Variants in INSR observed in about 807,000 individuals in gnomAD.
INSR encodes the protein IR.
A neutral mutation model predicts 142.6 loss-of-function variants in INSR; 67 were observed. The observed-to-expected ratio is 0.47, with a 90% CI of 0.39 to 0.58. The LOEUF (loss-of-function observed/expected upper bound fraction) is 0.58. Among genes scored for constraint, INSR ranks in the 20% least tolerant of loss-of-function variants. INSR has a pLI of 0.00. For missense variants in INSR, 1,248 were observed against 1,833.2 expected (o/e 0.68, Z 5.83); for synonymous variants, 756 against 743.1 (o/e 1.02, Z -0.28).
At chr19:7,191,710 T>C (rs191556344) in intron 2 of INSR, among the ~76,000 whole-genome samples, 1 of 151,886 alleles carries the variant, frequency 6.6e-6, no homozygotes, top group East Asian at 1.9e-4. Context: ...AAACCAATAG[T>C]CCCAGCTACT....
chr19:7,166,423 A>C lies in INSR; in HGVS notation c.1611-19T>G. 1 of 1,613,106 alleles carries C rather than the reference A, an allele frequency of 6.2e-7. No individual in the cohort carries two copies. Among genetic ancestry groups the C allele is most frequent in the Non-Finnish European group, 8.5e-7 (1 of 1,179,790 alleles). ...ATAAGGGCTTTCAAGACAAAACAGC[A>C]GAAGGCAGTTACCCTTACAAGACCG... On this transcript the variant is annotated intron_variant, in intron 7 of 21. Transcript: ENST00000302850. The surrounding 1 kb of genome is among the most constrained non-coding windows in gnomAD (Gnocchi z 4.1).
chr19:7,237,227 C>CA (rs1976186368), intron 2 of INSR, among the ~76,000 whole-genome samples: 2 of 151,496 alleles, frequency 1.3e-5, no homozygotes, highest in Middle Eastern at 3.4e-3. Flanking sequence ...TGGAAATAAA[C>CA]AAAAAAACAG....
chr19:7,136,836 T>G, intron 13 of INSR, among the ~76,000 whole-genome samples: 1 of 149,424 alleles, frequency 6.7e-6, no homozygotes, highest in South Asian at 2.1e-4. Flanking sequence ...TACATATATA[T>G]ATATATATAT....
intron 3 of INSR, among the ~76,000 whole-genome samples, chr19:7,177,982 C>G (rs1016518825): frequency 8.6e-5 from 13 of 152,030 alleles, no homozygotes; most frequent in Admixed American, 2.6e-4. Flanking sequence ...AAGCATACCA[C>G]AAAAGCACTT....
In INSR at chr19:7,136,145, C is replaced by T. The variant is rs536698492; in HGVS notation, c.2683-3828G>A. On this transcript the variant is annotated intron_variant, in intron 13 of 21. Coordinates refer to ENST00000302850, the MANE Select transcript of INSR (RefSeq NM_000208.4). Reference sequence around the variant, plus strand: ...TCGTGGGCATGAAGTGGTATTGCATCGTGGTCTTGATTTGCATTTTTGTCA... The same window carrying T: ...TCGTGGGCATGAAGTGGTATTGCATTGTGGTCTTGATTTGCATTTTTGTCA... 5.3e-5 allele frequency among the ~76,000 whole-genome samples: 8 copies of T among 152,090 alleles called. No individual in the cohort carries two copies. The South Asian group carries it at 6.2e-4, about 12-fold the overall frequency.
chr19:7,258,495 G>A (rs1000838971), intron 2 of INSR, among the ~76,000 whole-genome samples: 2 of 149,534 alleles, frequency 1.3e-5, no homozygotes, highest in Admixed American at 6.7e-5. Context: ...CCCACAGGTC[G>A]TAGTTTGCTG....
intron 11 of INSR, 113 bp from the exon 12 acceptor site, chr19:7,143,203 T>C: frequency 8.5e-7 from 1 of 1,181,224 alleles, no homozygotes; most frequent in Non-Finnish European, 1.2e-6. Context: ...CGCAGGAGGG[T>C]GCAGCAATGG....
intron 2 of INSR, among the ~76,000 whole-genome samples, chr19:7,257,051 T>C (rs1365523527): frequency 6.7e-6 from 1 of 150,126 alleles, no homozygotes; most frequent in East Asian, 2.0e-4. Context: ...CAAGCGATTC[T>C]CCTGTCTCAG....
intron 9 of INSR, among the ~76,000 whole-genome samples, chr19:7,157,470 C>A (rs1030400507): frequency 1.5e-5 from 2 of 131,144 alleles, no homozygotes; most frequent in Admixed American, 8.9e-5. Context: ...GCTGTGTTGG[C>A]CAGGCTGATC....
intron 10 of INSR, among the ~76,000 whole-genome samples, chr19:7,151,216 TTC>T (rs1241171903): frequency 7.4e-6 from 1 of 135,682 alleles, no homozygotes; most frequent in African/African-American, 2.9e-5. Flanking sequence ...TTCTTTTTCT[TTC>T]TCTCTTCCTT....
intron 11 of INSR, among the ~76,000 whole-genome samples, chr19:7,148,152 G>C (rs1009450742): frequency 1.3e-5 from 2 of 152,084 alleles, no homozygotes; most frequent in African/African-American, 2.4e-5. Context: ...GACCTCAGGT[G>C]ATCTGCCTGC....
chr19:7,211,138 C>T (rs1053965575), intron 2 of INSR, among the ~76,000 whole-genome samples: 2 of 152,286 alleles, frequency 1.3e-5, no homozygotes, highest in Middle Eastern at 3.4e-3. Flanking sequence ...CAAGTCACAG[C>T]TCACTGCAGC....
At chr19:7,156,571 G>A (rs553611217) in intron 9 of INSR, among the ~76,000 whole-genome samples, 21 of 152,138 alleles carry the variant, frequency 1.4e-4, no homozygotes, top group Non-Finnish European at 3.1e-4. Context: ...TGAAGTGCTC[G>A]GGACAGTCCC....
chr19:7,243,525 C>T (rs551197165), intron 2 of INSR, among the ~76,000 whole-genome samples: 2 of 152,206 alleles, frequency 1.3e-5, no homozygotes, highest in Admixed American at 6.6e-5. Context: ...GGATTACAGG[C>T]ATGAGCCACC....
chr19:7,165,956 G>A (rs1973878654), intron 8 of INSR, among the ~76,000 whole-genome samples, 198 bp downstream of exon 8: 1 of 150,850 alleles, frequency 6.6e-6, no homozygotes, highest in Non-Finnish European at 1.5e-5. Flanking sequence ...TTGAGCCCAG[G>A]AGTTTGAGGC....
chr19:7,210,531 T>C (rs1975244910), intron 2 of INSR, among the ~76,000 whole-genome samples: 1 of 152,040 alleles, frequency 6.6e-6, no homozygotes, highest in Non-Finnish European at 1.5e-5. Context: ...GCTGTGCGAC[T>C]CCTGGAGGGG....
At chr19:7,293,749 C>A in intron 1 of INSR, 43 bp downstream of exon 1, 5 of 1,306,672 alleles carry the variant, frequency 3.8e-6, no homozygotes, top group Non-Finnish European at 4.9e-6. Context: ...GGTCCTCTCC[C>A]CATCGCGGCG....
At chr19:7,141,589 A>G in intron 13 of INSR, 88 bp downstream of exon 13, 1 of 1,576,886 alleles carries the variant, frequency 6.3e-7, no homozygotes. Context: ...TGGAATCAAA[A>G]TTTCAGCAGA....
Position 7,294,377 on chromosome 19 carries a change from G to A in INSR, c.-486C>T, listed in dbSNP as rs1215961553. Among the ~76,000 whole-genome samples, 1 of 151,670 alleles carries A rather than the reference G, an allele frequency of 6.6e-6. No homozygotes were observed. Among genetic ancestry groups the A allele is most frequent in the African/African-American group, 2.4e-5 (1 of 41,364 alleles). On this transcript the variant is annotated 5_prime_UTR_variant, in exon 1 of 22. Transcript: ENST00000302850. The stretch of plus-strand genomic sequence containing the variant: ...CGTAAACAACGCGGCCCGTCAGCTG[G>A]GCCCCGTGCGGGCCGCGGGAAAAGG...
Sources: gnomAD v4.1 joint callset for allele counts (sites outside exome capture counted in the v4.1 genomes callset) on GRCh38, gnomAD v4.1.1 for gene constraint, Gnocchi (gnomAD v3.1) non-coding constraint, MANE v1.5 for transcripts, NCBI Gene and HGNC (gene_info 2026-07-23, HGNC 2026-07-21) for gene names.